The following FBXO25 variants were observed in gnomAD, a reference collection of about 807,000 sequenced individuals.
The protein encoded by FBXO25 is F-box protein 25, also known as F-box only protein 25.
FBXO25 carries 45 observed loss-of-function variants against 51.9 expected under a neutral mutation model. The ratio of observed to expected loss-of-function variants is 0.87; its 90% CI spans 0.68 to 1.11. The LOEUF is 1.11. FBXO25 is among the 50% of genes most tolerant of loss of function. The probability of loss-of-function intolerance (pLI) is 0.00; values close to 1 mark genes in which losing one functional copy is unlikely to be tolerated. For missense variants in FBXO25, 507 were observed against 428.5 expected, an observed-to-expected ratio of 1.18 and a Z score of -1.62; for synonymous variants, 199 against 151.0, an observed-to-expected ratio of 1.32 and a Z score of -2.33.
At chr8:465,255 T>C (rs60688458) in intron 9 of FBXO25, among the ~76,000 whole-genome samples, 1 of 152,156 alleles carries the variant, frequency 6.6e-6, no homozygotes, top group Admixed American at 6.5e-5. Context: ...ATATTAACAC[T>C]GAAAACATGT....
At chr8:444,705 G>A (rs970020795) in intron 5 of FBXO25, among the ~76,000 whole-genome samples, 2 of 152,068 alleles carry the variant, frequency 1.3e-5, no homozygotes, top group East Asian at 1.9e-4. Context: ...ATGACCGACC[G>A]CGTGTAGTGT....
intron 6 of FBXO25, among the ~76,000 whole-genome samples, 178 bp downstream of exon 6, chr8:450,261 C>T (rs1413969444): frequency 6.6e-6 from 1 of 152,096 alleles, no homozygotes; most frequent in Non-Finnish European, 1.5e-5. Flanking sequence ...CTGTTACTGC[C>T]GTTTACTTTT....
intron 2 of FBXO25, among the ~76,000 whole-genome samples, chr8:413,883 C>G (rs1585000076): frequency 6.6e-6 from 1 of 152,184 alleles, no homozygotes; most frequent in South Asian, 2.1e-4. Flanking sequence ...AAACCAGAGA[C>G]TGCATGAGCA....
At chr8:412,317 C>T (rs1277764044) in intron 1 of FBXO25, among the ~76,000 whole-genome samples, 3 of 152,286 alleles carry the variant, frequency 2.0e-5, no homozygotes, top group East Asian at 3.9e-4. Context: ...TTCCTCCTCA[C>T]GTTTCCAGAC....
chr8:462,103 C>T (rs537419006), intron 8 of FBXO25, among the ~76,000 whole-genome samples: 97 of 152,318 alleles, frequency 6.4e-4, no homozygotes, highest in African/African-American at 2.0e-3. Context: ...CACCATTTCA[C>T]ATTCCCCCAG....
chr8:459,800 A>T (rs932998607), intron 8 of FBXO25, among the ~76,000 whole-genome samples: 3 of 152,166 alleles, frequency 2.0e-5, no homozygotes, highest in Non-Finnish European at 4.4e-5. Context: ...ACCAACCCCA[A>T]TGTTGAGGGA....
intron 9 of FBXO25, chr8:467,863 A>G: frequency 6.3e-7 from 1 of 1,586,172 alleles, no homozygotes; most frequent in South Asian, 1.1e-5. Flanking sequence ...CGCTGACTTG[A>G]GCTTTCTCAG....
intron 9 of FBXO25, among the ~76,000 whole-genome samples, chr8:466,709 C>G (rs1800181174): frequency 1.3e-5 from 2 of 152,154 alleles, no homozygotes; most frequent in Admixed American, 6.5e-5. Flanking sequence ...TTCATCTGCT[C>G]CCAAGCTGGT....
intron 5 of FBXO25, among the ~76,000 whole-genome samples, chr8:436,470 T>G (rs1798109441): frequency 1.3e-5 from 2 of 152,168 alleles, no homozygotes; most frequent in Non-Finnish European, 2.9e-5. Context: ...TTGTAAGCCT[T>G]AGATAATATT....
At chr8:458,716 A>G (rs556057200) in intron 8 of FBXO25, among the ~76,000 whole-genome samples, 165 bp downstream of exon 8, 14 of 152,304 alleles carry the variant, frequency 9.2e-5, no homozygotes, top group Non-Finnish European at 1.8e-4. Flanking sequence ...GTTCTCTCCT[A>G]TAGAATGTAA....
In FBXO25 at chr8:472,675, G is replaced by A. The variant is rs1334466184; in HGVS notation, c.*3871G>A. On this transcript the variant is annotated 3_prime_UTR_variant, in exon 10 of 10. Transcript: ENST00000350302. ...GAGAGAACTCCATATAAGATTTGAA[G>A]TCACTGAGAAGCTTCAATTATCCTT... 6.6e-6 allele frequency: 1 copy of A among 152,232 alleles called. No individual in the cohort carries two copies. The highest frequency in any genetic ancestry group is 1.5e-5 in the Non-Finnish European group (1 of 68,044). 9.4% of individuals were successfully genotyped at this position (152,232 alleles called of 1,614,324 possible).
chr8:422,491 G>A (rs759144476), intron 2 of FBXO25, among the ~76,000 whole-genome samples: 39 of 152,068 alleles, frequency 2.6e-4, no homozygotes, highest in Non-Finnish European at 4.4e-4. Flanking sequence ...CAGCAGACGG[G>A]CTCTGGTGGG....
chr8:427,601 C>T (rs548241154), intron 2 of FBXO25, among the ~76,000 whole-genome samples: 6 of 148,562 alleles, frequency 4.0e-5, no homozygotes, highest in South Asian at 2.1e-4. Flanking sequence ...ATTCTGGAGG[C>T]CAGAAATCCA....
chr8:410,000 T>C (rs1328973006), intron 1 of FBXO25, among the ~76,000 whole-genome samples: 2 of 152,180 alleles, frequency 1.3e-5, no homozygotes, highest in South Asian at 2.1e-4. Context: ...TTTTGCCCTT[T>C]ATACTTATTC....
intron 2 of FBXO25, among the ~76,000 whole-genome samples, chr8:416,104 A>G (rs919019760): frequency 1.6e-4 from 24 of 151,910 alleles, no homozygotes; most frequent in African/African-American, 7.3e-5. Context: ...TCACTTGCTC[A>G]CTCATTTATT....
Position 468,912 on chromosome 8 carries a change from C to A in FBXO25, c.*108C>A. The A allele has an allele frequency of 9.7e-7, 1 of 1,027,456 alleles. No individual in the cohort carries two copies. The highest frequency in any genetic ancestry group is 1.4e-6 in the Non-Finnish European group (1 of 724,962). 63.6% of individuals were successfully genotyped at this position (1,027,456 alleles called of 1,614,324 possible). On this transcript the variant is annotated 3_prime_UTR_variant, in exon 10 of 10. Coordinates refer to ENST00000350302, the MANE Select transcript of FBXO25 (RefSeq NM_183420.2). ...GGAGACTCCTCGGAAGCCCCTGCTTCCAGAAAGCCTGGGAAGAACTGCCCT... is the reference window on the plus strand; with the variant it reads ...GGAGACTCCTCGGAAGCCCCTGCTTACAGAAAGCCTGGGAAGAACTGCCCT...
Position 450,008 on chromosome 8 carries a change from A to C in FBXO25, c.400A>C (p.Lys134Gln). The C allele has an allele frequency of 6.2e-7, 1 of 1,611,218 alleles. No homozygotes were observed. The highest frequency in any genetic ancestry group is 8.5e-7 in the Non-Finnish European group (1 of 1,179,074). The part of the protein sequence containing the change: ...YVVKLLQLIA[K>Q]SQLTSLSGVA... ...CTTTAAGCTGTTGCAGCTAATTGCA[A>C]AATCCCAGTTAACTTCATTGAGTGG... The change falls in exon 6 of 10, where the codon AAA becomes CAA. Residue 134 changes from lysine (K) to glutamine (Q), a missense_variant. Transcript: ENST00000350302.
Position 457,615 on chromosome 8 carries a change from C to CAT in FBXO25, c.661-753_661-752dup, listed in dbSNP as rs150751219. On this transcript the variant is annotated intron_variant, in intron 7 of 9. Transcript: ENST00000350302. ...TCCATTGTGGAGGTTGTCTACACAGCATGATGACTGCAGTTAATAATTATA... is the reference window on the plus strand; with the variant it reads ...TCCATTGTGGAGGTTGTCTACACAGCATATGATGACTGCAGTTAATAATTATA... 7.8e-3 allele frequency among the ~76,000 whole-genome samples: 1,185 copies of CAT among 152,290 alleles called. 10 individuals are homozygous for CAT. Among genetic ancestry groups the CAT allele is most frequent in the African/African-American group, 0.027 (1,125 of 41,552 alleles).
At chr8:463,909 C>T (rs1799980224) in intron 9 of FBXO25, among the ~76,000 whole-genome samples, 1 of 152,268 alleles carries the variant, frequency 6.6e-6, no homozygotes, top group East Asian at 1.9e-4. Context: ...TACCTCCTGC[C>T]TCTCAAGTAG....
Sources: allele counts gnomAD v4.1 joint callset (sites outside exome capture counted in the v4.1 genomes callset), GRCh38; gene constraint gnomAD v4.1.1; transcripts MANE v1.5; gene names NCBI Gene and HGNC (gene_info 2026-07-23, HGNC 2026-07-21).